QRFPR: variants seen among roughly 807,000 people sequenced by gnomAD.
QRFPR encodes pyroglutamylated RFamide peptide receptor.
In QRFPR, 37 loss-of-function variants were observed where a neutral mutation model predicts 31.3. The ratio of observed to expected loss-of-function variants is 1.18; its 90% confidence interval spans 0.91 to 1.56. QRFPR has a LOEUF of 1.56. Ranked by LOEUF, QRFPR falls within the 40% of genes most tolerant of loss-of-function variation. The probability of loss-of-function intolerance (pLI) is 0.00; values close to 1 mark genes in which losing one functional copy is unlikely to be tolerated. For synonymous variants in QRFPR, 197 were observed against 192.0 expected (o/e 1.03, Z -0.22); for missense variants, 542 against 532.5 (o/e 1.02, Z -0.18).
intron 1 of QRFPR, among the ~76,000 whole-genome samples, chr4:121,345,780 C>T (rs965803190): frequency 2.6e-5 from 4 of 152,208 alleles, no homozygotes; most frequent in Non-Finnish European, 5.9e-5. Context: ...AGTGTTCACT[C>T]TCCTATCCAC....
Position 121,361,084 on chromosome 4 carries a change from C to A in QRFPR, c.340+19224G>T, listed in dbSNP as rs564905987. Among the ~76,000 whole-genome samples the A allele has an allele frequency of 5.7e-4, 86 of 151,676 alleles. 3 individuals are homozygous for A. The highest frequency in any genetic ancestry group is 2.0e-3 in the African/African-American group (81 of 41,322). ...GAAGAATGTACTGTTACAATAATAT[C>A]TCACAGATTTAACTCTGAAAATCCA... On this transcript the variant is annotated intron_variant, in intron 1 of 5. Coordinates refer to ENST00000394427, the MANE Select transcript of QRFPR (RefSeq NM_198179.3).
At chr4:121,354,880 G>T (rs13129772) in intron 1 of QRFPR, among the ~76,000 whole-genome samples, 39,151 of 151,832 alleles carry the variant, frequency 0.26, 5,723 homozygotes, top group Non-Finnish European at 0.34. Flanking sequence ...TGATTGATTC[G>T]CATAGGTTGA....
At chr4:121,348,094 T>C (rs1422756343) in intron 1 of QRFPR, among the ~76,000 whole-genome samples, 1 of 152,196 alleles carries the variant, frequency 6.6e-6, no homozygotes, top group Non-Finnish European at 1.5e-5. Flanking sequence ...TATAGTAGTT[T>C]AGAGTATAGG....
chr4:121,345,505 A>C (rs1320793882), intron 1 of QRFPR, among the ~76,000 whole-genome samples: 1 of 152,182 alleles, frequency 6.6e-6, no homozygotes, highest in Non-Finnish European at 1.5e-5. Flanking sequence ...TTAAAAATGT[A>C]GTGTACTATG....
rs1315813640 is a variant in QRFPR, at chr4:121,336,871, G to A, written c.500-3C>T. ...GACTGCCACCAGCCAGACCACACCT[G>A]TAAAAGTGTTAAAGTCATGAGAGTA... On this transcript the variant is annotated splice_region_variant and splice_polypyrimidine_tract_variant and intron_variant, in intron 2 of 5. Coordinates refer to ENST00000394427, the MANE Select transcript of QRFPR (RefSeq NM_198179.3). 1 of 1,613,774 alleles carries A rather than the reference G, an allele frequency of 6.2e-7. No individual in the cohort carries two copies.
chr4:121,380,744 G>C lies in QRFPR; in HGVS notation c.-97C>G, dbSNP rs1428069267. 11 of 1,180,210 alleles carry C rather than the reference G, an allele frequency of 9.3e-6. No individual in the cohort carries two copies. The Admixed American group carries it at 2.3e-4, about 24-fold the overall frequency. The allele number at this position is 1,180,210 out of a possible 1,614,324, so 73.1% of individuals were successfully genotyped here. On this transcript the variant is annotated 5_prime_UTR_variant, in exon 1 of 6. Transcript: ENST00000394427. The stretch of plus-strand genomic sequence containing the variant: ...GGCTTCGGGGGACCAGCCGGAGGCC[G>C]CCTCCCTTCCTCTACTCTGGAGTCA...
intron 1 of QRFPR, among the ~76,000 whole-genome samples, chr4:121,358,414 G>C (rs943136669): frequency 2.6e-5 from 4 of 152,154 alleles, no homozygotes; most frequent in African/African-American, 7.2e-5. Flanking sequence ...TACACAATCA[G>C]CTCTCATGGG....
intron 1 of QRFPR, 67 bp from the exon 2 acceptor site, chr4:121,340,677 T>C (rs569209241): frequency 6.8e-7 from 1 of 1,469,646 alleles, no homozygotes; most frequent in Admixed American, 1.9e-5. Flanking sequence ...TCTGTGTCTT[T>C]GTAATTATCA....
chr4:121,365,540 T>A (rs1269660715), intron 1 of QRFPR, among the ~76,000 whole-genome samples: 2 of 4,792 alleles, frequency 4.2e-4, no homozygotes, highest in East Asian at 0.015. Flanking sequence ...ATATAATATA[T>A]ATTATATATA....
intron 1 of QRFPR, among the ~76,000 whole-genome samples, chr4:121,365,393 TTA>T (rs1248740663): frequency 7.3e-6 from 1 of 137,348 alleles, no homozygotes; most frequent in African/African-American, 2.8e-5. Context: ...GGCAGAGCTT[TTA>T]GTGAGCCGAG....
At position 121,380,359 on chromosome 4, in the gene QRFPR, A is replaced by C; in HGVS notation, c.289T>G (p.Phe97Val). ...TGGAGCATGGTGACGGGAATGCAGA[A>C]GAAGGTGATGAGCAGGTCACTGAGC... The part of the protein sequence containing the change: ...LALSDLLITF[F>V]CIPVTMLQNI... Residue 97 changes from phenylalanine to valine, a missense_variant, in exon 1 of 6, where the codon TTC becomes GTC. By Grantham distance (50) the Phe-to-Val change is conservative. Transcript: ENST00000394427. The C allele has an allele frequency of 1.2e-6, 2 of 1,614,188 alleles. No individual in the cohort carries two copies. The highest frequency in any genetic ancestry group is 1.7e-6 in the Non-Finnish European group (2 of 1,180,018).
At chr4:121,345,503 G>T (rs1202808148) in intron 1 of QRFPR, among the ~76,000 whole-genome samples, 1 of 152,166 alleles carries the variant, frequency 6.6e-6, no homozygotes, top group Non-Finnish European at 1.5e-5. Flanking sequence ...TTTTAAAAAT[G>T]TAGTGTACTA....
Position 121,380,298 on chromosome 4 carries a change from C to T in QRFPR, c.340+10G>A. On this transcript the variant is annotated intron_variant, in intron 1 of 5. Transcript: ENST00000394427. ...AGAGAAGGAGCGAAGGAGCGGGGCGCGACTCTTACCCCCCAGCCAGTTGTC... is the reference window on the plus strand; with the variant it reads ...AGAGAAGGAGCGAAGGAGCGGGGCGTGACTCTTACCCCCCAGCCAGTTGTC... 1 of 1,598,000 alleles carries T rather than the reference C, an allele frequency of 6.3e-7. No individual in the cohort carries two copies. Among genetic ancestry groups the T allele is most frequent in the Non-Finnish European group, 8.5e-7 (1 of 1,170,104 alleles).
At chr4:121,359,671 G>A (rs12499270) in intron 1 of QRFPR, among the ~76,000 whole-genome samples, 3 of 150,976 alleles carry the variant, frequency 2.0e-5, no homozygotes, top group African/African-American at 7.3e-5. Context: ...ATATATATAT[G>A]TGTGTGTATA....
intron 1 of QRFPR, among the ~76,000 whole-genome samples, chr4:121,355,665 G>A (rs1242659028): frequency 2.0e-5 from 3 of 151,638 alleles, no homozygotes; most frequent in East Asian, 3.9e-4. Flanking sequence ...TTTATTTGAA[G>A]GTTTTCTGCT....
At chr4:121,338,482 T>C (rs536769940) in intron 2 of QRFPR, among the ~76,000 whole-genome samples, 42 of 152,356 alleles carry the variant, frequency 2.8e-4, no homozygotes, top group Admixed American at 2.3e-3. Flanking sequence ...TTTGTAAACT[T>C]TTAAAAAATA....
Position 121,329,573 on chromosome 4 carries a change from G to GCAGACAAAA in QRFPR, c.1028_1036dup (p.Val343_Ser345dup). The GCAGACAAAA allele has an allele frequency of 6.2e-7, 1 of 1,613,558 alleles. No individual in the cohort carries two copies. Among genetic ancestry groups the GCAGACAAAA allele is most frequent in the South Asian group, 1.1e-5 (1 of 90,936 alleles). ...TTTATTTACTATGCAATAACAAACT[G>GCAGACAAAA]CAGACAAAACATTTTTTTTGAAGTT... On this transcript the variant is annotated inframe_insertion, in exon 6 of 6. Coordinates refer to ENST00000394427, the MANE Select transcript of QRFPR (RefSeq NM_198179.3).
intron 1 of QRFPR, among the ~76,000 whole-genome samples, chr4:121,362,356 A>G (rs1203917938): frequency 6.9e-6 from 1 of 144,836 alleles, no homozygotes; most frequent in African/African-American, 2.5e-5. Flanking sequence ...GGAAGAGGGG[A>G]AAAAGTGGGG....
At chr4:121,365,633 TA>T (rs1726116709) in intron 1 of QRFPR, among the ~76,000 whole-genome samples, 1 of 24,474 alleles carries the variant, frequency 4.1e-5, no homozygotes, top group East Asian at 2.0e-3. Flanking sequence ...ATATATTATA[TA>T]TATATTTTAT....
Sources: allele counts gnomAD v4.1 joint callset (sites outside exome capture counted in the v4.1 genomes callset), GRCh38; gene constraint gnomAD v4.1.1; transcripts MANE v1.5; gene names NCBI Gene and HGNC (gene_info 2026-07-23, HGNC 2026-07-21).